Variants in LRP1B observed in about 807,000 individuals in gnomAD.
The protein encoded by LRP1B is LDL receptor related protein 1B.
Under a neutral mutation model 556.6 loss-of-function variants are expected in LRP1B, and 217 were observed. That is an observed-to-expected ratio of 0.39 (90% CI 0.35 to 0.44). The LOEUF (loss-of-function observed/expected upper bound fraction) is 0.44. Ranked by LOEUF, LRP1B falls within the 20% of genes least tolerant of loss-of-function variation. The pLI is 1.00. For missense variants in LRP1B, 5,053 were observed against 5,620.8 expected, an observed-to-expected ratio of 0.90 and a Z score of 3.23; for synonymous variants, 2,047 against 1,865.8, an observed-to-expected ratio of 1.10 and a Z score of -2.50.
intron 41 of LRP1B, among the ~76,000 whole-genome samples, chr2:140,668,094 C>T (rs923831092): frequency 5.3e-5 from 8 of 151,914 alleles, no homozygotes; most frequent in African/African-American, 1.7e-4. Context: ...GGGTGGATCA[C>T]GACGTCAGGA....
intron 23 of LRP1B, chr2:140,898,845 G>T: frequency 2.1e-6 from 1 of 476,290 alleles, no homozygotes; most frequent in Non-Finnish European, 4.2e-6. Flanking sequence ...CCAAGAACCA[G>T]ATCTGAAGTA....
chr2:141,277,565 T>A (rs971236179), intron 3 of LRP1B, among the ~76,000 whole-genome samples: 1 of 152,216 alleles, frequency 6.6e-6, no homozygotes, highest in Non-Finnish European at 1.5e-5. Flanking sequence ...AGCAAAGCCA[T>A]GATTAAAACT....
intron 43 of LRP1B, among the ~76,000 whole-genome samples, chr2:140,581,235 T>A (rs1681750410): frequency 6.6e-6 from 1 of 152,246 alleles, no homozygotes; most frequent in African/African-American, 2.4e-5. Context: ...GAAGGTAACA[T>A]TATTCAAAGT....
chr2:142,086,447 A>G (rs1031209213), intron 1 of LRP1B, among the ~76,000 whole-genome samples: 3 of 152,110 alleles, frequency 2.0e-5, no homozygotes, highest in African/African-American at 7.2e-5. Flanking sequence ...CTCTGTACAA[A>G]TGCAAAAATT....
At chr2:141,573,635 CA>C (rs56779099) in intron 2 of LRP1B, among the ~76,000 whole-genome samples, 39,573 of 115,248 alleles carry the variant, frequency 0.34, 5,676 homozygotes, top group East Asian at 0.53. Context: ...AAAAACCCTC[CA>C]AAAAAAAAAA....
intron 11 of LRP1B, among the ~76,000 whole-genome samples, chr2:141,045,586 A>G (rs12691588): frequency 0.6 from 91,520 of 151,722 alleles, 30,095 homozygotes; most frequent in Non-Finnish European, 0.72. Flanking sequence ...ATTTTCTAGC[A>G]CAGTACCCTA....
At position 140,621,562 on chromosome 2, in the gene LRP1B, A is replaced by G. The variant is rs554089878; in HGVS notation, c.6800-19923T>C. On this transcript the variant is annotated intron_variant, in intron 41 of 90. Coordinates refer to ENST00000389484, the MANE Select transcript of LRP1B (RefSeq NM_018557.3). ...ATTAAATTTATTCTACCCATGAAGC[A>G]ACAGTTTATGATTTTCAAATGAATA... is the stretch of plus-strand genomic sequence containing the variant. Among the ~76,000 whole-genome samples, 11 of 152,248 alleles carry G rather than the reference A, an allele frequency of 7.2e-5. No homozygotes were observed. The South Asian group carries it at 2.3e-3, about 32-fold the overall frequency.
chr2:141,695,680 A>G (rs1387910765), intron 2 of LRP1B, among the ~76,000 whole-genome samples: 1 of 151,952 alleles, frequency 6.6e-6, no homozygotes, highest in African/African-American at 2.4e-5. Context: ...ACAAAAACAC[A>G]TATATCCCCT....
At chr2:141,511,977 G>A (rs1203916981) in intron 2 of LRP1B, among the ~76,000 whole-genome samples, 1 of 152,058 alleles carries the variant, frequency 6.6e-6, no homozygotes, top group East Asian at 1.9e-4. Flanking sequence ...CCAGTCAACT[G>A]GGCACACTTA....
intron 17 of LRP1B, among the ~76,000 whole-genome samples, chr2:140,983,289 G>C (rs1399546772): frequency 1.3e-5 from 2 of 152,044 alleles, no homozygotes; most frequent in Non-Finnish European, 2.9e-5. Context: ...TTGGGAAAGG[G>C]ATACTCAGTC....
At chr2:141,095,667 T>C (rs1207913382) in intron 7 of LRP1B, among the ~76,000 whole-genome samples, 1 of 152,114 alleles carries the variant, frequency 6.6e-6, no homozygotes, top group Non-Finnish European at 1.5e-5. Context: ...ATCCTAGTTG[T>C]ACTATGGTAC....
At chr2:140,272,639 A>G (rs142737282) in intron 85 of LRP1B, among the ~76,000 whole-genome samples, 1 of 151,970 alleles carries the variant, frequency 6.6e-6, no homozygotes, top group Non-Finnish European at 1.5e-5. Flanking sequence ...ATTTTGTTTT[A>G]CTATCTGTTC....
intron 59 of LRP1B, among the ~76,000 whole-genome samples, chr2:140,483,511 G>C (rs1468892362): frequency 2.0e-5 from 3 of 147,418 alleles, no homozygotes; most frequent in African/African-American, 7.5e-5. Context: ...GAAATGAGAA[G>C]CTAAGCCAGC....
At position 140,262,206 on chromosome 2, in the gene LRP1B, A is replaced by G. The variant is rs16843724; in HGVS notation, c.13247+8036T>C. On this transcript the variant is annotated intron_variant, in intron 86 of 90. Coordinates refer to ENST00000389484, the MANE Select transcript of LRP1B (RefSeq NM_018557.3). ...GCTAGAGTATGGAATGCCCAGGGAA[A>G]CTCCAACAAGTTACCTTAATAACAC... Among the ~76,000 whole-genome samples the G allele has an allele frequency of 2.4e-3, 370 of 152,184 alleles. 3 individuals carry two copies. Among genetic ancestry groups the G allele is most frequent in the African/African-American group, 8.1e-3 (335 of 41,536 alleles).
intron 31 of LRP1B, among the ~76,000 whole-genome samples, chr2:140,828,354 A>G (rs1319442755): frequency 2.6e-5 from 4 of 151,920 alleles, no homozygotes; most frequent in African/African-American, 9.6e-5. Context: ...TCACGCCTGT[A>G]ATCCCAGCAC....
At chr2:140,413,533 C>A (rs986516261) in intron 66 of LRP1B, among the ~76,000 whole-genome samples, 1 of 152,094 alleles carries the variant, frequency 6.6e-6, no homozygotes, top group Non-Finnish European at 1.5e-5. Flanking sequence ...CCAAAGGTAT[C>A]AATTTTTATT....
chr2:140,309,162 G>A (rs550331643), intron 83 of LRP1B, among the ~76,000 whole-genome samples: 1 of 151,776 alleles, frequency 6.6e-6, no homozygotes, highest in East Asian at 1.9e-4. Flanking sequence ...ATTTTAGCAA[G>A]GTGACTATAG....
intron 18 of LRP1B, among the ~76,000 whole-genome samples, chr2:140,966,599 A>G (rs1696230186): frequency 6.6e-6 from 1 of 152,184 alleles, no homozygotes; most frequent in African/African-American, 2.4e-5. Context: ...TTTGGTGTTT[A>G]GACATAAAGT....
At chr2:142,029,374 T>C (rs1574611391) in intron 1 of LRP1B, among the ~76,000 whole-genome samples, 1 of 151,920 alleles carries the variant, frequency 6.6e-6, no homozygotes, top group East Asian at 1.9e-4. Flanking sequence ...CAAGCATCAA[T>C]ACATACATGT....
Sources: allele counts gnomAD v4.1 joint callset (sites outside exome capture counted in the v4.1 genomes callset), GRCh38; gene constraint gnomAD v4.1.1; transcripts MANE v1.5; gene names NCBI Gene and HGNC (gene_info 2026-07-23, HGNC 2026-07-21).